The following ZFYVE28 variants were observed in gnomAD, a reference collection of about 807,000 sequenced individuals.
ZFYVE28 encodes zinc finger FYVE-type containing 28.
Under a neutral mutation model 82.1 loss-of-function variants are expected in ZFYVE28, and 40 were observed. The observed-to-expected ratio is 0.49, with a 90% CI of 0.38 to 0.63. ZFYVE28 has a LOEUF of 0.63. ZFYVE28 is among the 30% of genes least tolerant of loss of function. The pLI is 0.00. For synonymous variants in ZFYVE28, 612 were observed against 546.1 expected (o/e 1.12, Z -1.68); for missense variants, 1,321 against 1,242.1 (o/e 1.06, Z -0.96).
intron 1 of ZFYVE28, among the ~76,000 whole-genome samples, chr4:2,358,566 T>C (rs1401616296): frequency 6.6e-6 from 1 of 152,172 alleles, no homozygotes; most frequent in African/African-American, 2.4e-5. Context: ...TGCCTTCCTC[T>C]TGGGGCAGCT....
chr4:2,381,156 T>G (rs967146016), intron 1 of ZFYVE28, among the ~76,000 whole-genome samples: 8 of 124,828 alleles, frequency 6.4e-5, no homozygotes, highest in African/African-American at 2.2e-4. Flanking sequence ...CAGGTGGAGA[T>G]GAGGAACTTG....
At chr4:2,308,704 A>AAAGAAAAAAG (rs1217492004) in intron 7 of ZFYVE28, among the ~76,000 whole-genome samples, 4 of 124,626 alleles carry the variant, frequency 3.2e-5, no homozygotes, top group South Asian at 2.4e-4. Context: ...AAAGAAAAGA[A>AAAGAAAAAAG]AAAAGAAAAG....
Position 2,341,515 on chromosome 4 carries a change from T to A in ZFYVE28, c.281A>T (p.His94Leu), listed in dbSNP as rs886241310. The A allele has an allele frequency of 1.9e-6, 3 of 1,613,530 alleles. No individual in the cohort carries two copies. In the African/African-American group the frequency reaches 4.0e-5, roughly 22 times the overall value. The change falls in exon 3 of 13, where the codon CAC becomes CTC. Residue 94 changes from histidine to leucine, a missense_variant. Coordinates refer to ENST00000290974, the MANE Select transcript of ZFYVE28 (RefSeq NM_020972.3). The surrounding 1 kb of genome is among the most constrained non-coding windows in gnomAD (Gnocchi z 4.5). Reference sequence around the variant, plus strand: ...CCACAGCTGGCCGGCCAGGTTGTCGTGCCGGATCTCCTCAGGGAACTTGAC... The same window carrying A: ...CCACAGCTGGCCGGCCAGGTTGTCGAGCCGGATCTCCTCAGGGAACTTGAC... The part of the protein sequence containing the change: ...FCVKFPEEIR[H>L]DNLAGQLWFG...
At chr4:2,297,828 G>A (rs1032995693) in intron 8 of ZFYVE28, among the ~76,000 whole-genome samples, 4 of 151,194 alleles carry the variant, frequency 2.6e-5, no homozygotes, top group African/African-American at 9.7e-5. Flanking sequence ...ACAGTGGGGT[G>A]ACACGGTGAC....
intron 7 of ZFYVE28, among the ~76,000 whole-genome samples, chr4:2,317,461 G>A (rs530886657): frequency 5.3e-5 from 8 of 152,228 alleles, no homozygotes; most frequent in East Asian, 1.9e-4. Context: ...GTTTGGCTGC[G>A]CTTAGGCCTG....
chr4:2,417,011 C>G lies in ZFYVE28; in HGVS notation c.39+1274G>C, dbSNP rs1733121777. 6.6e-6 allele frequency among the ~76,000 whole-genome samples: 1 copy of G among 152,220 alleles called. No homozygotes were observed. Among genetic ancestry groups the G allele is most frequent in the African/African-American group, 2.4e-5 (1 of 41,472 alleles). On this transcript the variant is annotated intron_variant, in intron 1 of 12. Transcript: ENST00000290974. The surrounding 1 kb of genome is among the most constrained non-coding windows in gnomAD (Gnocchi z 4.8). ...CCCGCCTTCCTGGAATGGGCGCACGCGAGGCACGGATTTCAGGAAACCTCT... is the reference window on the plus strand; with the variant it reads ...CCCGCCTTCCTGGAATGGGCGCACGGGAGGCACGGATTTCAGGAAACCTCT...
intron 2 of ZFYVE28, among the ~76,000 whole-genome samples, chr4:2,353,299 C>G (rs1231757796): frequency 1.3e-5 from 2 of 152,234 alleles, no homozygotes; most frequent in African/African-American, 2.4e-5. Flanking sequence ...TAGACTCCCC[C>G]CTGTTGGAGG....
intron 8 of ZFYVE28, among the ~76,000 whole-genome samples, chr4:2,297,099 G>A (rs1275294158): frequency 1.1e-4 from 16 of 152,242 alleles, no homozygotes; most frequent in Admixed American, 5.2e-4. Flanking sequence ...ATGTGGGAAC[G>A]AAGCACATCA....
At chr4:2,346,661 AT>A (rs1723647671) in intron 2 of ZFYVE28, among the ~76,000 whole-genome samples, 1 of 152,200 alleles carries the variant, frequency 6.6e-6, no homozygotes, top group South Asian at 2.1e-4. Flanking sequence ...TCTATGTGAA[AT>A]TGTACAATGT....
intron 8 of ZFYVE28, among the ~76,000 whole-genome samples, chr4:2,284,500 G>A (rs532695672): frequency 1.8e-4 from 27 of 152,298 alleles, no homozygotes; most frequent in Middle Eastern, 3.4e-3. Context: ...AGATGGAGAG[G>A]ACCTCAGCAG....
chr4:2,270,856 T>A lies in ZFYVE28; in HGVS notation c.2533A>T (p.Ile845Phe). ...TGCGAGGAGCAGCGCGAGCAGAAGA[T>A]CTGGAATGGGGTTGGGGCAGTGAGG... Reference protein sequence around the residue: ...RKHHCRSCGKIFCSRCSSHSA... With the variant: ...RKHHCRSCGKFFCSRCSSHSA... Residue 845 changes from isoleucine to phenylalanine, a missense_variant and splice_region_variant, in exon 13 of 13, where the codon ATC becomes TTC. Around this residue, in one of 2 missense-constraint regions of ZFYVE28, gnomAD observed 978 missense variants for 833.7 expected, o/e 1.17. Coordinates refer to ENST00000290974, the MANE Select transcript of ZFYVE28 (RefSeq NM_020972.3). The A allele has an allele frequency of 5.0e-6, 8 of 1,612,602 alleles. No individual in the cohort carries two copies. Among genetic ancestry groups the A allele is most frequent in the Non-Finnish European group, 6.8e-6 (8 of 1,179,902 alleles).
In ZFYVE28 at chr4:2,271,792, G is replaced by C; in HGVS notation, c.2324-13C>G. On this transcript the variant is annotated splice_polypyrimidine_tract_variant and intron_variant, in intron 10 of 12. Coordinates refer to ENST00000290974, the MANE Select transcript of ZFYVE28 (RefSeq NM_020972.3). ...AGAGTCTGGGTGACTAGTGGAGAAG[G>C]GGGGCCGTCGGGGTATGGTGAGGGA... 2 of 1,611,336 alleles carry C rather than the reference G, an allele frequency of 1.2e-6. No individual in the cohort carries two copies. The highest frequency in any genetic ancestry group is 1.3e-5 in the African/African-American group (1 of 75,024).
intron 1 of ZFYVE28, among the ~76,000 whole-genome samples, chr4:2,383,034 A>C (rs947768327): frequency 6.6e-6 from 1 of 152,102 alleles, no homozygotes; most frequent in African/African-American, 2.4e-5. Context: ...CCCTCTCACA[A>C]CATGTGGGAA....
intron 1 of ZFYVE28, among the ~76,000 whole-genome samples, chr4:2,357,097 G>C (rs1725440651): frequency 6.6e-6 from 1 of 152,152 alleles, no homozygotes; most frequent in Admixed American, 6.5e-5. Flanking sequence ...GGGTTTCACT[G>C]TGTTGCCTGG....
intron 1 of ZFYVE28, among the ~76,000 whole-genome samples, chr4:2,410,029 T>C (rs1376625476): frequency 6.6e-6 from 1 of 152,226 alleles, no homozygotes; most frequent in East Asian, 1.9e-4. Context: ...TCCTATTTTT[T>C]TTTATTCAGG....
intron 8 of ZFYVE28, among the ~76,000 whole-genome samples, chr4:2,291,564 T>C (rs1212431709): frequency 2.6e-5 from 4 of 152,088 alleles, no homozygotes. Context: ...CTGAGTCCCC[T>C]CTCTCTCCAC....
At chr4:2,395,763 C>T (rs531506406) in intron 1 of ZFYVE28, among the ~76,000 whole-genome samples, 19 of 152,308 alleles carry the variant, frequency 1.2e-4, no homozygotes, top group Admixed American at 7.2e-4. Context: ...CCTTTGACCG[C>T]GGTGCTACCA....
intron 1 of ZFYVE28, among the ~76,000 whole-genome samples, chr4:2,360,623 G>A (rs1433905633): frequency 6.6e-6 from 1 of 152,134 alleles, no homozygotes; most frequent in Non-Finnish European, 1.5e-5. Context: ...CCCTCACTGT[G>A]AGCAGACACC....
intron 8 of ZFYVE28, chr4:2,287,532 G>A (rs1240416740): frequency 1.3e-5 from 2 of 152,286 alleles, no homozygotes; most frequent in African/African-American, 2.4e-5. Flanking sequence ...AGTGCTTTGC[G>A]AGGAGGCGTT....
Sources: allele counts gnomAD v4.1 joint callset (sites outside exome capture counted in the v4.1 genomes callset), GRCh38; gene constraint gnomAD v4.1.1; regional missense constraint gnomAD v4.1.1; non-coding constraint Gnocchi (gnomAD v3.1); transcripts MANE v1.5; gene names NCBI Gene and HGNC (gene_info 2026-07-23, HGNC 2026-07-21).